SLIT3: variants seen among roughly 807,000 people sequenced by gnomAD.
SLIT3 encodes the protein slit homolog 3 protein.
SLIT3 carries 68 observed loss-of-function variants against 184.0 expected under a neutral mutation model. That is an observed-to-expected ratio of 0.37 (90% confidence interval 0.30 to 0.45). The LOEUF is 0.45. Ranked by LOEUF, SLIT3 falls within the 20% of genes least tolerant of loss-of-function variation. The pLI, the probability that SLIT3 is intolerant of heterozygous loss-of-function variation, is 1.00. For missense variants in SLIT3, 1,707 were observed against 2,026.0 expected, an observed-to-expected ratio of 0.84 and a Z score of 3.02; for synonymous variants, 831 against 828.6, an observed-to-expected ratio of 1.00 and a Z score of -0.05.
chr5:168,888,631 A>G (rs1379437455), intron 4 of SLIT3, among the ~76,000 whole-genome samples: 2 of 152,206 alleles, frequency 1.3e-5, no homozygotes, highest in African/African-American at 4.8e-5. Context: ...CCAATCTGGC[A>G]TCTGATGAGG....
At chr5:168,949,846 C>T (rs1044213534) in intron 4 of SLIT3, among the ~76,000 whole-genome samples, 2 of 152,190 alleles carry the variant, frequency 1.3e-5, no homozygotes, top group African/African-American at 4.8e-5. Flanking sequence ...CCCACCTCAG[C>T]CTCCCAAAGT....
chr5:169,099,516 G>GT (rs1297872317), intron 4 of SLIT3, among the ~76,000 whole-genome samples: 1 of 152,182 alleles, frequency 6.6e-6, no homozygotes, highest in Admixed American at 6.5e-5. Flanking sequence ...AGTGCTGACT[G>GT]TTTTCTAGAC....
intron 29 of SLIT3, 117 bp from the exon 30 acceptor site, chr5:168,687,233 C>G: frequency 8.5e-7 from 1 of 1,175,514 alleles, no homozygotes; most frequent in Non-Finnish European, 1.2e-6. Flanking sequence ...ACCCAAGTTC[C>G]TTTGGGATCT....
intron 4 of SLIT3, among the ~76,000 whole-genome samples, chr5:168,885,094 T>C (rs1013814415): frequency 7.9e-5 from 12 of 152,172 alleles, no homozygotes; most frequent in Admixed American, 7.2e-4. Context: ...AGGTGTCCAC[T>C]TTTTTCTGAT....
chr5:169,011,231 T>C (rs1343105849), intron 4 of SLIT3, among the ~76,000 whole-genome samples: 1 of 152,192 alleles, frequency 6.6e-6, no homozygotes, highest in East Asian at 1.9e-4. Context: ...AAAATGGCTC[T>C]TAGAAGCCTT....
Position 168,844,662 on chromosome 5 carries a change from A to T in SLIT3, c.486-7T>A. 6.2e-7 allele frequency: 1 copy of T among 1,614,018 alleles called. No individual in the cohort carries two copies. Among genetic ancestry groups the T allele is most frequent in the Non-Finnish European group, 8.5e-7 (1 of 1,179,974 alleles). On this transcript the variant is annotated splice_polypyrimidine_tract_variant and splice_region_variant and intron_variant, in intron 5 of 35. Transcript: ENST00000519560. ...GTGGTTGTTGTCCAGTTGCCTGTGG[A>T]AAAGCAGGGGAGAGCATGAAGGCTG...
intron 4 of SLIT3, among the ~76,000 whole-genome samples, chr5:169,144,945 T>C (rs1410490806): frequency 6.6e-6 from 1 of 152,242 alleles, no homozygotes; most frequent in Non-Finnish European, 1.5e-5. Flanking sequence ...GAGCACCTTT[T>C]ACATCCAGCC....
intron 4 of SLIT3, among the ~76,000 whole-genome samples, chr5:169,099,508 T>G (rs189666950): frequency 2.2e-4 from 33 of 152,372 alleles, no homozygotes; most frequent in African/African-American, 6.0e-4. Context: ...CTCTTCACAG[T>G]GCTGACTGTT....
intron 35 of SLIT3, among the ~76,000 whole-genome samples, chr5:168,668,125 C>T (rs1761115031): frequency 6.6e-6 from 1 of 152,140 alleles, no homozygotes; most frequent in African/African-American, 2.4e-5. Context: ...TCTCAGTGTC[C>T]ATGCAGGAGA....
intron 8 of SLIT3, among the ~76,000 whole-genome samples, chr5:168,817,016 A>G (rs1025849802): frequency 1.3e-5 from 2 of 152,012 alleles, no homozygotes; most frequent in African/African-American, 4.8e-5. Flanking sequence ...TGTGTGGCTC[A>G]ACAAATGTTC....
At chr5:169,068,591 A>C (rs1406821147) in intron 4 of SLIT3, among the ~76,000 whole-genome samples, 1 of 152,320 alleles carries the variant, frequency 6.6e-6, no homozygotes, top group Non-Finnish European at 1.5e-5. Flanking sequence ...TTTTATAGAA[A>C]TATAATCCTT....
chr5:169,266,385 A>G (rs1321330891), intron 1 of SLIT3, among the ~76,000 whole-genome samples: 1 of 152,234 alleles, frequency 6.6e-6, no homozygotes, highest in African/African-American at 2.4e-5. Flanking sequence ...TTTGAATCTA[A>G]GTGGGACCAT....
chr5:169,239,311 T>C (rs997176536), intron 3 of SLIT3, among the ~76,000 whole-genome samples: 2 of 152,148 alleles, frequency 1.3e-5, no homozygotes, highest in Non-Finnish European at 2.9e-5. Context: ...TCTTGAAATG[T>C]CCTTACTGGG....
chr5:168,739,483 C>T (rs1392407354), intron 20 of SLIT3, among the ~76,000 whole-genome samples: 6 of 150,992 alleles, frequency 4.0e-5, no homozygotes, highest in Non-Finnish European at 5.9e-5. Context: ...AGTGCAACGG[C>T]GCAATCTCAG....
At chr5:169,273,193 C>T (rs994278236) in intron 1 of SLIT3, among the ~76,000 whole-genome samples, 3 of 152,174 alleles carry the variant, frequency 2.0e-5, no homozygotes, top group Admixed American at 2.0e-4. Flanking sequence ...AGAGTCCCCT[C>T]ACCGTGGAAT....
intron 4 of SLIT3, among the ~76,000 whole-genome samples, chr5:169,070,260 G>A (rs1581373959): frequency 6.6e-6 from 1 of 152,278 alleles, no homozygotes; most frequent in East Asian, 1.9e-4. Context: ...TGGGATTGAA[G>A]GGGCATCCTG....
Position 168,748,370 on chromosome 5 carries a change from T to C in SLIT3, c.2202A>G (p.Thr734=). The change falls in exon 20 of 36, where the codon ACA becomes ACG. Residue 734 remains threonine, a synonymous_variant. Coordinates refer to ENST00000519560, the MANE Select transcript of SLIT3 (RefSeq NM_003062.4). ...RCPEQCTCME[T]VVRCSNKGLR... ...GCCCCTTGTTGCTGCATCGCACCAC[T>C]GTCTCCATACAGGTGCACTGCTCCG... 6.6e-7 allele frequency: 1 copy of C among 1,511,568 alleles called. No individual in the cohort carries two copies. 93.6% of individuals were successfully genotyped at this position (1,511,568 alleles called of 1,614,324 possible). A position where few individuals can be genotyped will look rare whatever the true frequency, so the allele number is the denominator to read the frequency against.
intron 4 of SLIT3, among the ~76,000 whole-genome samples, chr5:168,896,364 G>T (rs1396631955): frequency 6.6e-6 from 1 of 152,130 alleles, no homozygotes; most frequent in African/African-American, 2.4e-5. Flanking sequence ...CACATGCTGT[G>T]TCCCTCATAA....
At chr5:169,090,665 T>G (rs939653019) in intron 4 of SLIT3, among the ~76,000 whole-genome samples, 1 of 152,182 alleles carries the variant, frequency 6.6e-6, no homozygotes, top group East Asian at 1.9e-4. Context: ...AAAGAGAGAC[T>G]GAAGCTGGGT....
Sources: gnomAD v4.1 joint callset for allele counts (sites outside exome capture counted in the v4.1 genomes callset) on GRCh38, gnomAD v4.1.1 for gene constraint, MANE v1.5 for transcripts, NCBI Gene and HGNC (gene_info 2026-07-23, HGNC 2026-07-21) for gene names.